GNA11: variants seen among roughly 807,000 people sequenced by gnomAD.
The protein encoded by GNA11 is guanine nucleotide-binding protein subunit alpha-11.
GNA11 carries 8 observed loss-of-function variants against 38.2 expected under a neutral mutation model. The ratio of observed to expected loss-of-function variants is 0.21; its 90% CI spans 0.12 to 0.38. GNA11 has a LOEUF of 0.38. Among genes scored for constraint, GNA11 ranks in the 10% least tolerant of loss-of-function variants. The pLI is 1.00. For missense variants in GNA11, 268 were observed against 516.3 expected (o/e 0.52, Z 4.66); for synonymous variants, 211 against 221.4 (o/e 0.95, Z 0.42).
intron 1 of GNA11, among the ~76,000 whole-genome samples, chr19:3,096,707 A>ACC (rs138095276): frequency 1.2e-3 from 174 of 150,642 alleles, no homozygotes; most frequent in Middle Eastern, 3.4e-3. Context: ...CTGCAGTCCC[A>ACC]CCCCCTCCCA....
Position 3,123,969 on chromosome 19 carries a change from GT to G in GNA11, c.*2794del. ...ATATCTTTCTCCTGAAATGAACTCT[GT>G]TTTAAATTGGAATAAATTTTGTTCC... is the stretch of plus-strand genomic sequence containing the variant. On this transcript the variant is annotated 3_prime_UTR_variant, in exon 7 of 7. Coordinates refer to ENST00000078429, the MANE Select transcript of GNA11 (RefSeq NM_002067.5). The G allele has an allele frequency of 4.5e-6, 1 of 224,592 alleles. No homozygotes were observed. Among genetic ancestry groups the G allele is most frequent in the Non-Finnish European group, 8.9e-6 (1 of 112,722 alleles). 13.9% of individuals were successfully genotyped at this position (224,592 alleles called of 1,614,324 possible).
intron 1 of GNA11, among the ~76,000 whole-genome samples, chr19:3,101,485 T>G (rs991412900): frequency 6.6e-6 from 1 of 152,208 alleles, no homozygotes; most frequent in South Asian, 2.1e-4. Context: ...TTGCTCGGCC[T>G]TAGTCCCACT....
intron 4 of GNA11, 137 bp from the exon 5 acceptor site, chr19:3,118,787 C>T (rs1441228581): frequency 1.2e-6 from 1 of 801,804 alleles, no homozygotes; most frequent in Non-Finnish European, 2.1e-6. Flanking sequence ...CTTGCCCGTT[C>T]TAAGAGTGGG....
rs568243622 is a variant in GNA11 at position 3,112,180 on chromosome 19, T to C, written c.322-1150T>C. 5.3e-5 allele frequency among the ~76,000 whole-genome samples: 8 copies of C among 152,342 alleles called. No individual in the cohort carries two copies. In the East Asian group the frequency reaches 1.5e-3, roughly 29 times the overall value. ...TCTCTGCAGAAGCAGATTGCTGCTG[T>C]CTAATCTGGAAGTTTCCAGGGAGTG... On this transcript the variant is annotated intron_variant, in intron 2 of 6. Transcript: ENST00000078429.
rs199975676 is a variant in GNA11, at chr19:3,119,391, G to T, written c.889+32G>T. The T allele has an allele frequency of 1.0e-5, 16 of 1,606,360 alleles. No individual in the cohort carries two copies. Among genetic ancestry groups the T allele is most frequent in the Middle Eastern group, 1.7e-4 (1 of 6,060 alleles). On this transcript the variant is annotated intron_variant, in intron 6 of 6. Coordinates refer to ENST00000078429, the MANE Select transcript of GNA11 (RefSeq NM_002067.5). This position sits in a 1 kb window ranked among gnomAD's most constrained non-coding sequence, Gnocchi z 4.6. ...CGGGCTGCGGCATGGGGAGGGGCTC[G>T]CGGGCAGGGCCTTACTGGGGGGAGG...
At chr19:3,107,192 C>T (rs543173570) in intron 1 of GNA11, among the ~76,000 whole-genome samples, 4 of 152,272 alleles carry the variant, frequency 2.6e-5, no homozygotes, top group South Asian at 2.1e-4. Context: ...GCCAAGATTG[C>T]GCCACTGCAC....
intron 1 of GNA11, among the ~76,000 whole-genome samples, chr19:3,109,765 A>G (rs1302901895): frequency 6.6e-6 from 1 of 152,180 alleles, no homozygotes; most frequent in Non-Finnish European, 1.5e-5. Context: ...TCTGGTGAGC[A>G]TTGGTCATGA....
At chr19:3,118,848 G>C (rs1913990321) in intron 4 of GNA11, 76 bp from the exon 5 acceptor site, 1 of 1,392,494 alleles carries the variant, frequency 7.2e-7, no homozygotes, top group African/African-American at 1.4e-5. Context: ...GAGGGGCTTG[G>C]GTGGGAGCCG....
intron 4 of GNA11, among the ~76,000 whole-genome samples, chr19:3,115,720 A>T (rs1599305416): frequency 1.9e-5 from 1 of 51,916 alleles, no homozygotes; most frequent in South Asian, 7.2e-4. Context: ...CTGCCAGGGG[A>T]GGGGGCTCAT....
Position 3,118,796 on chromosome 19 carries a change from G to C in GNA11, c.606-128G>C, listed in dbSNP as rs1394085804. ...AGCGTCCTTGCCCGTTCTAAGAGTG[G>C]GGGCTCTTCCTGCTCCAGCCGATGT... is the stretch of plus-strand genomic sequence containing the variant. On this transcript the variant is annotated intron_variant, in intron 4 of 6. Coordinates refer to ENST00000078429, the MANE Select transcript of GNA11 (RefSeq NM_002067.5). 7 of 855,010 alleles carry C rather than the reference G, an allele frequency of 8.2e-6. No homozygotes were observed. In the Admixed American group the frequency reaches 1.4e-4, roughly 18 times the overall value. 53.0% of individuals were successfully genotyped at this position (855,010 alleles called of 1,614,324 possible). A position where few individuals can be genotyped will look rare whatever the true frequency, so the allele number is the denominator to read the frequency against.
intron 1 of GNA11, among the ~76,000 whole-genome samples, chr19:3,098,230 A>G (rs1304145387): frequency 6.6e-6 from 1 of 152,168 alleles, no homozygotes. Flanking sequence ...ACAGCTGTGG[A>G]TGGGTACAGG....
Position 3,118,987 on chromosome 19 carries a change from G to A in GNA11, c.669G>A (p.Val223=), listed in dbSNP as rs2145326173. 2 of 1,613,478 alleles carry A rather than the reference G, an allele frequency of 1.2e-6. No individual in the cohort carries two copies. The highest frequency in any genetic ancestry group is 1.7e-6 in the Non-Finnish European group (2 of 1,179,416). Reference sequence around the variant, plus strand: ...AGTGGATCCACTGCTTTGAGAACGTGACATCCATCATGTTTCTCGTCGCCC... The same window carrying A: ...AGTGGATCCACTGCTTTGAGAACGTAACATCCATCATGTTTCTCGTCGCCC... ...RRKWIHCFEN[V]TSIMFLVALS... Residue 223 remains valine, a synonymous_variant, in exon 5 of 7, where the codon GTG becomes GTA. Coordinates refer to ENST00000078429, the MANE Select transcript of GNA11 (RefSeq NM_002067.5).
At chr19:3,102,524 T>C (rs916045598) in intron 1 of GNA11, among the ~76,000 whole-genome samples, 1 of 152,196 alleles carries the variant, frequency 6.6e-6, no homozygotes, top group Admixed American at 6.5e-5. Flanking sequence ...GAGCACGTCC[T>C]GGGCTGCCTG....
At chr19:3,112,314 G>A (rs146736808) in intron 2 of GNA11, among the ~76,000 whole-genome samples, 16 of 152,338 alleles carry the variant, frequency 1.1e-4, no homozygotes, top group South Asian at 4.1e-4. Flanking sequence ...GTCGGAGTCC[G>A]GGGCAGGGAG....
chr19:3,112,657 C>T (rs1298014243), intron 2 of GNA11, among the ~76,000 whole-genome samples: 4 of 152,264 alleles, frequency 2.6e-5, no homozygotes, highest in African/African-American at 9.6e-5. Context: ...ACCCGCCGCC[C>T]AGGGTTCCGT....
At chr19:3,106,050 C>T (rs553789296) in intron 1 of GNA11, among the ~76,000 whole-genome samples, 2 of 152,162 alleles carry the variant, frequency 1.3e-5, no homozygotes, top group African/African-American at 2.4e-5. Flanking sequence ...GCCAAAAGAG[C>T]GTTCCAGCTC....
At chr19:3,112,359 C>T (rs1444025578) in intron 2 of GNA11, among the ~76,000 whole-genome samples, 2 of 152,186 alleles carry the variant, frequency 1.3e-5, no homozygotes, top group Non-Finnish European at 2.9e-5. Context: ...GGCTGAGTCT[C>T]CACTCTGGGG....
rs1373177401 is a variant in GNA11, at chr19:3,123,485, T to G, written c.*2306T>G. ...ACAGCCAACCCCCACCCTTGCCACG[T>G]GTGGGGCCACGTGGGCATGTGGGGT... On this transcript the variant is annotated 3_prime_UTR_variant, in exon 7 of 7. Coordinates refer to ENST00000078429, the MANE Select transcript of GNA11 (RefSeq NM_002067.5). 8.6e-6 allele frequency: 2 copies of G among 233,176 alleles called. No homozygotes were observed. Among genetic ancestry groups the G allele is most frequent in the Non-Finnish European group, 1.7e-5 (2 of 118,036 alleles). The allele number at this position is 233,176 out of a possible 1,614,324, so 14.4% of individuals were successfully genotyped here. A position where few individuals can be genotyped will look rare whatever the true frequency, so the allele number is the denominator to read the frequency against.
chr19:3,115,928 A>C (rs1233675299), intron 4 of GNA11, among the ~76,000 whole-genome samples: 6 of 84,150 alleles, frequency 7.1e-5, no homozygotes. Flanking sequence ...GGTCATGGGG[A>C]CCGAGGCTGT....
Sources: gnomAD v4.1 joint callset for allele counts (sites outside exome capture counted in the v4.1 genomes callset) on GRCh38, gnomAD v4.1.1 for gene constraint, Gnocchi (gnomAD v3.1) non-coding constraint, MANE v1.5 for transcripts, NCBI Gene and HGNC (gene_info 2026-07-23, HGNC 2026-07-21) for gene names.